CSMD3: variants seen among roughly 807,000 people sequenced by gnomAD.
The protein encoded by CSMD3 is CUB and sushi domain-containing protein 3.
A neutral mutation model predicts 435.2 loss-of-function variants in CSMD3; 177 were observed. The ratio of observed to expected loss-of-function variants is 0.41; its 90% CI spans 0.36 to 0.46. CSMD3 has a LOEUF of 0.46. CSMD3 is among the 20% of genes least tolerant of loss of function. The pLI, the probability that CSMD3 is intolerant of heterozygous loss-of-function variation, is 0.34. For synonymous variants in CSMD3, 1,656 were observed against 1,520.5 expected (o/e 1.09, Z -2.07); for missense variants, 4,265 against 4,504.6 (o/e 0.95, Z 1.52).
At chr8:112,797,324 G>T (rs2078853145) in intron 13 of CSMD3, among the ~76,000 whole-genome samples, 1 of 151,860 alleles carries the variant, frequency 6.6e-6, no homozygotes, top group Non-Finnish European at 1.5e-5. Flanking sequence ...TGTTCTACCA[G>T]AGAAGCCCAG....
chr8:112,251,074 G>A (rs1765480616), intron 63 of CSMD3, among the ~76,000 whole-genome samples: 1 of 151,566 alleles, frequency 6.6e-6, no homozygotes, highest in South Asian at 2.1e-4. Context: ...CACTTGGCAT[G>A]CTAGAATTTT....
chr8:113,322,640 G>A (rs1478863580), intron 1 of CSMD3, among the ~76,000 whole-genome samples: 1 of 152,080 alleles, frequency 6.6e-6, no homozygotes, highest in Non-Finnish European at 1.5e-5. Context: ...CTAAAATTTT[G>A]ATTGGGATTA....
Position 112,289,047 on chromosome 8 carries a change from T to C in CSMD3, c.9148+318A>G, listed in dbSNP as rs538957171. Among the ~76,000 whole-genome samples, 159 of 152,196 alleles carry C rather than the reference T, an allele frequency of 1.0e-3. 1 individual carries two copies. Among genetic ancestry groups the C allele is most frequent in the Middle Eastern group, 6.8e-3 (2 of 294 alleles). ...ATCTGCTAAAATGGGATAGATACTT[T>C]AGCTTGAATAGTTTCACCATTTTAA... On this transcript the variant is annotated intron_variant, in intron 57 of 70. Transcript: ENST00000297405.
At chr8:113,436,026 T>C (rs540477604) in intron 1 of CSMD3, among the ~76,000 whole-genome samples, 23 of 152,242 alleles carry the variant, frequency 1.5e-4, no homozygotes, top group African/African-American at 5.5e-4. Context: ...ATTCATCCCT[T>C]AAGGTGGTTC....
At chr8:112,328,354 T>C (rs944209925) in intron 45 of CSMD3, among the ~76,000 whole-genome samples, 2 of 152,134 alleles carry the variant, frequency 1.3e-5, no homozygotes, top group Non-Finnish European at 2.9e-5. Flanking sequence ...AAGAAAACAA[T>C]AAATTTGTTT....
At chr8:112,459,022 C>T (rs756760424) in intron 32 of CSMD3, among the ~76,000 whole-genome samples, 2 of 152,024 alleles carry the variant, frequency 1.3e-5, no homozygotes, top group Admixed American at 6.6e-5. Flanking sequence ...TGCTTCCTCC[C>T]TTCTCCACTG....
At chr8:112,582,097 G>C (rs753407030) in intron 23 of CSMD3, among the ~76,000 whole-genome samples, 1 of 152,046 alleles carries the variant, frequency 6.6e-6, no homozygotes. Flanking sequence ...TGGCATCATG[G>C]GGGCAGAACC....
chr8:113,103,851 T>G (rs540622348), intron 4 of CSMD3, among the ~76,000 whole-genome samples: 2 of 152,102 alleles, frequency 1.3e-5, no homozygotes, highest in Non-Finnish European at 2.9e-5. Context: ...TAAAAATAGT[T>G]CACTATGATT....
chr8:113,104,890 C>T (rs551719907), intron 4 of CSMD3, among the ~76,000 whole-genome samples: 1 of 151,950 alleles, frequency 6.6e-6, no homozygotes, highest in African/African-American at 2.4e-5. Context: ...TTTTTGAATG[C>T]ACAAATATGC....
intron 13 of CSMD3, among the ~76,000 whole-genome samples, chr8:112,793,246 T>A (rs546618059): frequency 6.7e-6 from 1 of 148,596 alleles, no homozygotes; most frequent in African/African-American, 2.4e-5. Context: ...ACACAGGTGC[T>A]AAGATAAAGA....
chr8:112,457,492 G>A (rs113291544), intron 32 of CSMD3, among the ~76,000 whole-genome samples: 7 of 151,988 alleles, frequency 4.6e-5, no homozygotes, highest in African/African-American at 9.7e-5. Flanking sequence ...TTAATTCTAC[G>A]GAGAAATGTC....
intron 7 of CSMD3, among the ~76,000 whole-genome samples, chr8:112,971,032 T>A (rs1048646020): frequency 2.6e-5 from 4 of 152,174 alleles, no homozygotes; most frequent in African/African-American, 9.7e-5. Context: ...CATCTTTCAA[T>A]AATTAGTTCA....
rs776756257 is a variant in CSMD3 at position 112,341,646 on chromosome 8, T to C, written c.6483A>G (p.Ile2161Met). The change falls in exon 42 of 71, where the codon ATA becomes ATG. Residue 2161 changes from isoleucine (I) to methionine (M), a missense_variant. By Grantham distance (10) the Ile-to-Met change is conservative. Coordinates refer to ENST00000297405, the MANE Select transcript of CSMD3 (RefSeq NM_198123.2). ...CACTTCGTACTTCCAAATAATCATG[T>C]ATGGTTTCTGTAGAAAAATTTACAA... ...LQFVNFSTET[I>M]HDYLEVRSGS... 7 of 1,612,890 alleles carry C rather than the reference T, an allele frequency of 4.3e-6. No homozygotes were observed. Among genetic ancestry groups the C allele is most frequent in the Admixed American group, 1.7e-5 (1 of 59,944 alleles).
At chr8:112,990,565 G>A (rs966532585) in intron 6 of CSMD3, among the ~76,000 whole-genome samples, 10 of 151,814 alleles carry the variant, frequency 6.6e-5, no homozygotes, top group African/African-American at 2.2e-4. Flanking sequence ...ACAATGAATA[G>A]GAAATGCCAA....
intron 4 of CSMD3, among the ~76,000 whole-genome samples, chr8:113,118,659 A>G (rs1339775149): frequency 3.9e-5 from 6 of 152,144 alleles, no homozygotes; most frequent in South Asian, 4.1e-4. Context: ...CACACCCTGT[A>G]TCTAATTTTT....
At chr8:112,647,802 T>A (rs772829659) in intron 19 of CSMD3, among the ~76,000 whole-genome samples, 48 of 152,196 alleles carry the variant, frequency 3.2e-4, no homozygotes, top group Non-Finnish European at 5.0e-4. Context: ...TGAGATTATT[T>A]TACATTGCCA....
At chr8:112,329,968 G>C (rs546631925) in intron 45 of CSMD3, among the ~76,000 whole-genome samples, 2 of 151,652 alleles carry the variant, frequency 1.3e-5, no homozygotes, top group African/African-American at 4.8e-5. Flanking sequence ...ATTATTACAC[G>C]ATGTCCATAC....
At chr8:112,951,582 G>GT (rs1331460904) in intron 8 of CSMD3, among the ~76,000 whole-genome samples, 4 of 151,726 alleles carry the variant, frequency 2.6e-5, no homozygotes, top group East Asian at 1.9e-4. Flanking sequence ...TTGTATTGTT[G>GT]TTTTTTATAC....
At chr8:112,846,224 A>G (rs1250926894) in intron 11 of CSMD3, among the ~76,000 whole-genome samples, 1 of 151,758 alleles carries the variant, frequency 6.6e-6, no homozygotes, top group African/African-American at 2.4e-5. Context: ...CTTAAAAAAG[A>G]TAATTCTTTT....
Sources: allele counts gnomAD v4.1 joint callset (sites outside exome capture counted in the v4.1 genomes callset), GRCh38; gene constraint gnomAD v4.1.1; transcripts MANE v1.5; gene names NCBI Gene and HGNC (gene_info 2026-07-23, HGNC 2026-07-21).